Variants in TTC28 observed in about 807,000 individuals in gnomAD.
The protein encoded by TTC28 is tetratricopeptide repeat protein 28.
Under a neutral mutation model 198.0 loss-of-function variants are expected in TTC28, and 61 were observed. The ratio of observed to expected loss-of-function variants is 0.31; its 90% CI spans 0.25 to 0.38. The LOEUF is 0.38. Among genes scored for constraint, TTC28 ranks in the 10% least tolerant of loss-of-function variants. The probability of loss-of-function intolerance (pLI) is 1.00; values close to 1 mark genes in which losing one functional copy is unlikely to be tolerated. For missense variants in TTC28, 2,678 were observed against 3,164.0 expected, an observed-to-expected ratio of 0.85 and a Z score of 3.69; for synonymous variants, 1,171 against 1,297.8, an observed-to-expected ratio of 0.90 and a Z score of 2.10.
At chr22:28,065,384 G>A (rs1940711435) in intron 12 of TTC28, among the ~76,000 whole-genome samples, 1 of 152,166 alleles carries the variant, frequency 6.6e-6, no homozygotes, top group Non-Finnish European at 1.5e-5. Context: ...ATGCTTCGAG[G>A]TCACTGATAA....
intron 12 of TTC28, among the ~76,000 whole-genome samples, chr22:28,063,875 C>T (rs1940648236): frequency 6.6e-6 from 1 of 152,090 alleles, no homozygotes; most frequent in African/African-American, 2.4e-5. Context: ...AGTAGCACAG[C>T]TGCAGGGCGG....
At chr22:28,208,817 C>G (rs770393932) in intron 5 of TTC28, among the ~76,000 whole-genome samples, 1 of 151,910 alleles carries the variant, frequency 6.6e-6, no homozygotes, top group African/African-American at 2.4e-5. Flanking sequence ...GATCTGAAAC[C>G]AATTTCGGCC....
At chr22:28,067,422 A>AT (rs1491005893) in intron 12 of TTC28, among the ~76,000 whole-genome samples, 5 of 152,180 alleles carry the variant, frequency 3.3e-5, no homozygotes, top group African/African-American at 1.2e-4. Flanking sequence ...ACTGATTGCA[A>AT]TATCTCTTAT....
At chr22:28,058,640 A>C (rs1940390214) in intron 12 of TTC28, among the ~76,000 whole-genome samples, 1 of 152,114 alleles carries the variant, frequency 6.6e-6, no homozygotes, top group Admixed American at 6.6e-5. Context: ...GTTTAATACA[A>C]GTGGAAGTGG....
intron 2 of TTC28, among the ~76,000 whole-genome samples, chr22:28,357,408 C>T (rs2145949647): frequency 6.6e-6 from 1 of 151,136 alleles, no homozygotes; most frequent in South Asian, 2.1e-4. Context: ...TGTAACCTCC[C>T]AGACTCAAAC....
Position 28,067,043 on chromosome 22 carries a change from C to A in TTC28, c.3932+27037G>T, listed in dbSNP as rs573385232. ...CAGTAGCCCCTTCCACCTCTGTGTGCCTGTGGGAACCCAAATCCTCCTTCC... is the reference window on the plus strand; with the variant it reads ...CAGTAGCCCCTTCCACCTCTGTGTGACTGTGGGAACCCAAATCCTCCTTCC... On this transcript the variant is annotated intron_variant, in intron 12 of 22. Transcript: ENST00000397906. Among the ~76,000 whole-genome samples, 19 of 152,314 alleles carry A rather than the reference C, an allele frequency of 1.2e-4. No homozygotes were observed. In the South Asian group the frequency reaches 3.9e-3, roughly 32 times the overall value.
intron 5 of TTC28, among the ~76,000 whole-genome samples, chr22:28,253,447 A>G (rs570343860): frequency 6.6e-6 from 1 of 152,320 alleles, no homozygotes; most frequent in African/African-American, 2.4e-5. Flanking sequence ...CTAACATCAT[A>G]TTATACATTA....
At chr22:28,203,954 T>C (rs779561321) in intron 5 of TTC28, among the ~76,000 whole-genome samples, 4 of 151,610 alleles carry the variant, frequency 2.6e-5, no homozygotes, top group Non-Finnish European at 4.4e-5. Context: ...CAAAAGAAAA[T>C]ATGTTTATTC....
At chr22:28,276,203 A>G (rs1569234915) in intron 5 of TTC28, among the ~76,000 whole-genome samples, 1 of 151,726 alleles carries the variant, frequency 6.6e-6, no homozygotes, top group African/African-American at 2.4e-5. Flanking sequence ...TGTAGACACG[A>G]GGTTTCGCCA....
intron 2 of TTC28, among the ~76,000 whole-genome samples, chr22:28,461,690 A>G (rs1260264779): frequency 6.6e-6 from 1 of 152,142 alleles, no homozygotes; most frequent in Non-Finnish European, 1.5e-5. Flanking sequence ...TGGCCTCCCA[A>G]AGTGCTGGGA....
At chr22:28,645,076 C>G (rs1439126389) in intron 1 of TTC28, among the ~76,000 whole-genome samples, 2 of 151,146 alleles carry the variant, frequency 1.3e-5, no homozygotes. Flanking sequence ...ACCCAGGAGG[C>G]AGAGCTTGCA....
chr22:28,240,090 A>G (rs1421037623), intron 5 of TTC28, among the ~76,000 whole-genome samples: 1 of 152,266 alleles, frequency 6.6e-6, no homozygotes. Flanking sequence ...TAATAGAATC[A>G]TATTAAAGAA....
Position 28,306,633 on chromosome 22 carries a change from C to T in TTC28, c.392G>A (p.Arg131Gln), listed in dbSNP as rs2045151706. ...LNPKWPKAYFRQGVALQYLGR... is the reference protein window; with the variant it reads ...LNPKWPKAYFQQGVALQYLGR... ...AAGGTACTGGAGGGCAACACCCTGTCGGAAGTATGCCTAGAAATAAAAGAT... is the reference window on the plus strand; with the variant it reads ...AAGGTACTGGAGGGCAACACCCTGTTGGAAGTATGCCTAGAAATAAAAGAT... The change falls in exon 3 of 23, where the codon CGA becomes CAA. Residue 131 changes from arginine (R) to glutamine (Q), a missense_variant. Around this residue, in one of 8 missense-constraint regions of TTC28, gnomAD observed 176 missense variants for 197.9 expected, o/e 0.89. Coordinates refer to ENST00000397906, the MANE Select transcript of TTC28 (RefSeq NM_001145418.2). 5.8e-6 allele frequency: 9 copies of T among 1,551,284 alleles called. No individual in the cohort carries two copies. Among genetic ancestry groups the T allele is most frequent in the African/African-American group, 1.4e-5 (1 of 72,976 alleles).
chr22:28,621,155 C>A (rs1284482335), intron 2 of TTC28, among the ~76,000 whole-genome samples: 1 of 152,110 alleles, frequency 6.6e-6, no homozygotes, highest in Non-Finnish European at 1.5e-5. Flanking sequence ...AAGTTTGTAC[C>A]TTTTGTGTTT....
intron 12 of TTC28, among the ~76,000 whole-genome samples, chr22:28,071,623 A>G (rs1342426752): frequency 6.7e-6 from 1 of 149,694 alleles, no homozygotes; most frequent in Non-Finnish European, 1.5e-5. Context: ...TGGGAGATAT[A>G]CCTAAGGCTA....
chr22:28,343,863 T>C (rs2145913878), intron 2 of TTC28, among the ~76,000 whole-genome samples: 1 of 152,330 alleles, frequency 6.6e-6, no homozygotes, highest in Non-Finnish European at 1.5e-5. Flanking sequence ...CCCAGTATTC[T>C]GGTATTTTCA....
chr22:28,348,234 T>C (rs978995350), intron 2 of TTC28, among the ~76,000 whole-genome samples: 1 of 152,164 alleles, frequency 6.6e-6, no homozygotes, highest in East Asian at 1.9e-4. Flanking sequence ...GGTCTAAAAA[T>C]AGGAGATGCA....
intron 12 of TTC28, among the ~76,000 whole-genome samples, chr22:28,032,263 ATATAGTGT>A (rs1180729392): frequency 3.2e-5 from 3 of 92,590 alleles, no homozygotes; most frequent in Non-Finnish European, 6.2e-5. Flanking sequence ...ATATATATAT[ATATAGTGT>A]GTGTGTGTGT....
intron 13 of TTC28, chr22:28,028,926 C>A (rs899653260): frequency 1.3e-5 from 6 of 462,890 alleles, no homozygotes; most frequent in Non-Finnish European, 2.7e-5. Context: ...AAACTGCCTC[C>A]CTAGTGTCCT....
Sources: gnomAD v4.1 joint callset for allele counts (sites outside exome capture counted in the v4.1 genomes callset) on GRCh38, gnomAD v4.1.1 for gene constraint, gnomAD v4.1.1 regional missense constraint, MANE v1.5 for transcripts, NCBI Gene and HGNC (gene_info 2026-07-23, HGNC 2026-07-21) for gene names.